Variants in SLC25A48 observed in about 807,000 individuals in gnomAD.
SLC25A48 encodes solute carrier family 25 member 48.
In SLC25A48, 29 loss-of-function variants were observed where a neutral mutation model predicts 32.2. That is an observed-to-expected ratio of 0.90 (90% CI 0.67 to 1.23). The LOEUF (loss-of-function observed/expected upper bound fraction) is 1.23. SLC25A48 is among the 50% of genes most tolerant of loss of function. The pLI is 0.00. For missense variants in SLC25A48, 399 were observed against 422.7 expected (o/e 0.94, Z 0.49); for synonymous variants, 164 against 172.3 (o/e 0.95, Z 0.38).
rs1554072856 is a variant in SLC25A48 at position 135,763,790 on chromosome 5, C to CACACACACACGA, written c.-520-48733_-520-48732insACACACACACGA. Among the ~76,000 whole-genome samples, 8 of 151,198 alleles carry CACACACACACGA rather than the reference C, an allele frequency of 5.3e-5. No individual in the cohort carries two copies. The East Asian group carries it at 5.8e-4, about 11-fold the overall frequency. Reference sequence around the variant, plus strand: ...ACACACACACACACACACACACACACGAGAGAGAGACAGAGAAAACCCAGA... The same window carrying CACACACACACGA: ...ACACACACACACACACACACACACACACACACACACGAGAGAGAGAGACAGAGAAAACCCAGA... On this transcript the variant is annotated intron_variant, in intron 3 of 10. Coordinates refer to the SLC25A48 transcript ENST00000646290.
chr5:135,766,325 A>G (rs61186854), intron 3 of SLC25A48, among the ~76,000 whole-genome samples: 46,170 of 148,420 alleles, frequency 0.31, 7,236 homozygotes, highest in East Asian at 0.47. Flanking sequence ...GGTGGTGTAC[A>G]CCCCCCTGTA....
intron 1 of SLC25A48, among the ~76,000 whole-genome samples, chr5:135,841,742 T>C (rs1759012643): frequency 1.3e-5 from 2 of 152,160 alleles, no homozygotes; most frequent in African/African-American, 4.8e-5. Context: ...AGATAAGGAT[T>C]ACTTCATTAA....
chr5:135,761,242 G>T (rs1382545494), intron 3 of SLC25A48, among the ~76,000 whole-genome samples: 1 of 152,176 alleles, frequency 6.6e-6, no homozygotes, highest in African/African-American at 2.4e-5. Context: ...GAGCCCAGGA[G>T]GTTGAGGCTG....
chr5:135,854,576 A>G (rs1223114867), intron 4 of SLC25A48, among the ~76,000 whole-genome samples: 1 of 152,090 alleles, frequency 6.6e-6, no homozygotes, highest in Admixed American at 6.5e-5. Flanking sequence ...ACCTCTCTCC[A>G]CCTTCAGAGA....
At chr5:135,786,338 T>G (rs969645238) in intron 3 of SLC25A48, among the ~76,000 whole-genome samples, 2 of 152,134 alleles carry the variant, frequency 1.3e-5, no homozygotes, top group African/African-American at 2.4e-5. Flanking sequence ...ACACCATGTG[T>G]GTACACCTTG....
intron 1 of SLC25A48, among the ~76,000 whole-genome samples, chr5:135,627,747 T>C (rs1008155037): frequency 1.9e-3 from 1 of 526 alleles, no homozygotes; most frequent in African/African-American, 0.011. Context: ...TTACTGCATG[T>C]GCATATACAG....
chr5:135,700,392 A>T (rs1395404179), intron 3 of SLC25A48, among the ~76,000 whole-genome samples: 8 of 149,536 alleles, frequency 5.3e-5, no homozygotes, highest in Non-Finnish European at 5.9e-5. Context: ...AAAAAAAAAA[A>T]AGAAAGAAAG....
intron 3 of SLC25A48, among the ~76,000 whole-genome samples, chr5:135,665,511 A>G (rs775239427): frequency 1.3e-5 from 2 of 151,808 alleles, no homozygotes; most frequent in Non-Finnish European, 2.9e-5. Flanking sequence ...TTCTTTGCCA[A>G]TGTCCAGAAT....
chr5:135,803,896 A>G (rs527861139), intron 3 of SLC25A48, among the ~76,000 whole-genome samples: 22 of 151,626 alleles, frequency 1.5e-4, no homozygotes, highest in Non-Finnish European at 2.5e-4. Flanking sequence ...TTATCTTCAT[A>G]GGATATTATG....
chr5:135,871,858 C>G, intron 5 of SLC25A48, 140 bp downstream of exon 5: 1 of 1,522,102 alleles, frequency 6.6e-7, no homozygotes, highest in Non-Finnish European at 8.8e-7. Flanking sequence ...TGTTAGGTAC[C>G]TACTCTGTCC....
At chr5:135,783,959 CA>C (rs1172309832) in intron 3 of SLC25A48, among the ~76,000 whole-genome samples, 7 of 117,596 alleles carry the variant, frequency 6.0e-5, no homozygotes, top group African/African-American at 1.3e-4. Context: ...TGCTAATAAT[CA>C]GGGGGGAAAA....
chr5:135,767,480 CT>C (rs758828103), intron 3 of SLC25A48, among the ~76,000 whole-genome samples: 3 of 151,884 alleles, frequency 2.0e-5, no homozygotes, highest in Non-Finnish European at 4.4e-5. Context: ...TGTACACCCC[CT>C]GGTGATATTG....
chr5:135,820,400 A>G (rs1757853984), intron 4 of SLC25A48, among the ~76,000 whole-genome samples: 1 of 152,236 alleles, frequency 6.6e-6, no homozygotes, highest in African/African-American at 2.4e-5. Context: ...GGAGTTGGGA[A>G]GCAAGAGAGC....
chr5:135,828,541 G>T (rs191486773), intron 4 of SLC25A48, among the ~76,000 whole-genome samples: 2 of 152,258 alleles, frequency 1.3e-5, no homozygotes, highest in African/African-American at 4.8e-5. Flanking sequence ...CTTCTGAGGA[G>T]CTGGACAGGC....
At chr5:135,862,851 T>C (rs78326603) in intron 4 of SLC25A48, among the ~76,000 whole-genome samples, 2,121 of 152,036 alleles carry the variant, frequency 0.014, 39 homozygotes, top group African/African-American at 0.045. Flanking sequence ...TTGGAAGATG[T>C]GGAGTAAGTT....
intron 4 of SLC25A48, among the ~76,000 whole-genome samples, chr5:135,868,568 T>C (rs1761387293): frequency 6.6e-6 from 1 of 152,086 alleles, no homozygotes; most frequent in African/African-American, 2.4e-5. Flanking sequence ...TTCAACATAT[T>C]TAGGGGTAAA....
chr5:135,793,846 T>C (rs11242293), intron 3 of SLC25A48, among the ~76,000 whole-genome samples: 2 of 151,482 alleles, frequency 1.3e-5, no homozygotes, highest in East Asian at 2.0e-4. Context: ...GGGATATTAT[T>C]TGTAATATCA....
intron 3 of SLC25A48, among the ~76,000 whole-genome samples, chr5:135,791,350 T>C (rs1561494919): frequency 6.6e-6 from 1 of 151,636 alleles, no homozygotes; most frequent in Admixed American, 6.6e-5. Flanking sequence ...TATTATTTGT[T>C]ATATTCTAGG....
chr5:135,779,224 C>T (rs1206274946), intron 3 of SLC25A48, among the ~76,000 whole-genome samples: 1 of 151,662 alleles, frequency 6.6e-6, no homozygotes, highest in Non-Finnish European at 1.5e-5. Flanking sequence ...GGTGTGCACA[C>T]CCCTGTGATA....
Sources: allele counts gnomAD v4.1 joint callset (sites outside exome capture counted in the v4.1 genomes callset), GRCh38; gene constraint gnomAD v4.1.1; transcripts MANE v1.5; gene names NCBI Gene and HGNC (gene_info 2026-07-23, HGNC 2026-07-21).